Variants in ZNF487 observed in about 807,000 individuals in gnomAD.
ZNF487 encodes the protein zinc finger protein 487.
In ZNF487, 4 loss-of-function variants were observed where a neutral mutation model predicts 3.0. The ratio of observed to expected loss-of-function variants is 1.35; its 90% confidence interval spans 0.66 to 3.08. The LOEUF is 3.08. ZNF487 is among the 30% of genes most tolerant of loss of function. The probability of loss-of-function intolerance (pLI) is 0.01; values close to 1 mark genes in which losing one functional copy is unlikely to be tolerated. For missense variants in ZNF487, 146 were observed against 98.7 expected, an observed-to-expected ratio of 1.48 and a Z score of -2.03; for synonymous variants, 55 against 34.6, an observed-to-expected ratio of 1.59 and a Z score of -2.06.
chr10:43,437,565 A>T (rs1225168546), intron 1 of ZNF487, among the ~76,000 whole-genome samples: 3 of 152,170 alleles, frequency 2.0e-5, no homozygotes. Flanking sequence ...AGAGGTCTAC[A>T]CACACTTGCA....
chr10:43,459,455 C>T (rs1433648783), intron 1 of ZNF487, among the ~76,000 whole-genome samples: 1 of 152,202 alleles, frequency 6.6e-6, no homozygotes, highest in South Asian at 2.1e-4. Flanking sequence ...GTCTCGAACT[C>T]CTGACCTCAG....
chr10:43,470,558 G>A (rs1371692831), intron 1 of ZNF487, among the ~76,000 whole-genome samples: 1 of 151,892 alleles, frequency 6.6e-6, no homozygotes. Flanking sequence ...TAATTTTTTT[G>A]TATTTTTAGT....
At position 43,475,987 on chromosome 10, in the gene ZNF487, G is replaced by A. The variant is rs1372400529; in HGVS notation, c.35-120G>A. 11 of 665,926 alleles carry A rather than the reference G, an allele frequency of 1.7e-5. No individual in the cohort carries two copies. The South Asian group carries it at 1.9e-4, about 12-fold the overall frequency. 41.3% of individuals were successfully genotyped at this position (665,926 alleles called of 1,614,324 possible). ...GCTTGATTGATCCCTTCTGGGCACT[G>A]TAAAGAATATCTGTGGTGTTTTCTG... On this transcript the variant is annotated intron_variant, in intron 2 of 3. Transcript: ENST00000437590.
At chr10:43,503,468 G>A in the ZNF487 span, among the ~76,000 whole-genome samples, 1 of 152,140 alleles carries the variant, frequency 6.6e-6, no homozygotes, top group Non-Finnish European at 1.5e-5. Flanking sequence ...AGTGTACAAT[G>A]TTTATAAAGT....
intron 1 of ZNF487, among the ~76,000 whole-genome samples, chr10:43,439,140 G>A (rs1005468000): frequency 2.6e-5 from 4 of 152,086 alleles, no homozygotes; most frequent in African/African-American, 9.7e-5. Context: ...TACTTGAGAG[G>A]CTGAGGCAGA....
At chr10:43,493,818 T>C in the ZNF487 span, among the ~76,000 whole-genome samples, 1 of 148,676 alleles carries the variant, frequency 6.7e-6, no homozygotes, top group South Asian at 2.1e-4. Context: ...GCCTTAAAAA[T>C]CTGACACTCA....
intron 1 of ZNF487, among the ~76,000 whole-genome samples, chr10:43,457,350 G>C (rs1180150346): frequency 2.0e-5 from 3 of 151,932 alleles, no homozygotes; most frequent in African/African-American, 7.3e-5. Context: ...AAGGTCAGGA[G>C]TTCGAGACCA....
intron 3 of ZNF487, among the ~76,000 whole-genome samples, chr10:43,478,563 T>TA (rs199545101): frequency 1.6e-3 from 245 of 148,590 alleles, no homozygotes; most frequent in Admixed American, 0.012. Context: ...CAAAAATAAA[T>TA]AAAAAAAAAA....
At chr10:43,498,115 T>TATATA in the ZNF487 span, among the ~76,000 whole-genome samples, 2 of 8,178 alleles carry the variant, frequency 2.4e-4, no homozygotes, top group African/African-American at 6.1e-4. Flanking sequence ...TTTTTTTTTC[T>TATATA]TTTTTTTTTT....
the ZNF487 span, among the ~76,000 whole-genome samples, chr10:43,514,444 C>G: frequency 2.6e-5 from 4 of 152,144 alleles, no homozygotes; most frequent in African/African-American, 9.7e-5. Flanking sequence ...CTGGCTGATT[C>G]TCTGTTTTTA....
intron 1 of ZNF487, among the ~76,000 whole-genome samples, chr10:43,470,028 G>T (rs1840848522): frequency 6.6e-6 from 1 of 152,016 alleles, no homozygotes; most frequent in African/African-American, 2.4e-5. Flanking sequence ...CTATAGTATA[G>T]TGAAAACATA....
downstream of ZNF487, among the ~76,000 whole-genome samples, chr10:43,484,459 T>C (rs559240522): frequency 6.8e-4 from 104 of 151,850 alleles, 1 homozygote; most frequent in African/African-American, 2.4e-3. Flanking sequence ...TACAAAAAAT[T>C]AGCTGGGCAT....
chr10:43,503,632 G>T, the ZNF487 span, among the ~76,000 whole-genome samples: 1 of 152,020 alleles, frequency 6.6e-6, no homozygotes, highest in Non-Finnish European at 1.5e-5. Flanking sequence ...TTGAGACAAG[G>T]TCTCTCTCTG....
chr10:43,522,925 A>T, the ZNF487 span, among the ~76,000 whole-genome samples: 1 of 152,148 alleles, frequency 6.6e-6, no homozygotes, highest in South Asian at 2.1e-4. Flanking sequence ...CCTACTATTC[A>T]ATGCTTTCGA....
At chr10:43,448,634 G>A (rs916410459) in intron 1 of ZNF487, among the ~76,000 whole-genome samples, 2 of 151,716 alleles carry the variant, frequency 1.3e-5, no homozygotes, top group Non-Finnish European at 2.9e-5. Flanking sequence ...TGGCCAAGAT[G>A]GCGAAACCCT....
intron 1 of ZNF487, among the ~76,000 whole-genome samples, chr10:43,466,250 G>T (rs1034837589): frequency 2.0e-5 from 3 of 151,928 alleles, no homozygotes; most frequent in African/African-American, 7.3e-5. Context: ...CACCATGTTG[G>T]CCAGGCTGGT....
chr10:43,513,358 T>A, the ZNF487 span, among the ~76,000 whole-genome samples: 1 of 152,230 alleles, frequency 6.6e-6, no homozygotes, highest in East Asian at 1.9e-4. Flanking sequence ...GGAAATGTGC[T>A]AATTTGCTCA....
At chr10:43,450,448 G>A (rs913232870) in intron 1 of ZNF487, among the ~76,000 whole-genome samples, 3 of 152,144 alleles carry the variant, frequency 2.0e-5, no homozygotes, top group Non-Finnish European at 4.4e-5. Flanking sequence ...TGCATCCTGG[G>A]TTCAAGTGAT....
chr10:43,493,715 T>A, the ZNF487 span, among the ~76,000 whole-genome samples: 4,061 of 18,844 alleles, frequency 0.22, 341 homozygotes, highest in African/African-American at 0.3. Flanking sequence ...AAAAAATATA[T>A]ATATATATAT....
Sources: gnomAD v4.1 joint callset for allele counts (sites outside exome capture counted in the v4.1 genomes callset) on GRCh38, gnomAD v4.1.1 for gene constraint, MANE v1.5 for transcripts, NCBI Gene and HGNC (gene_info 2026-07-23, HGNC 2026-07-21) for gene names.